The following TMCO4 variants were observed in gnomAD, a reference collection of about 807,000 sequenced individuals.
TMCO4 encodes transmembrane and coiled-coil domain-containing protein 4.
In TMCO4, 58 loss-of-function variants were observed where a neutral mutation model predicts 64.7. The observed-to-expected ratio is 0.90, with a 90% CI of 0.73 to 1.12. TMCO4 has a LOEUF of 1.12. TMCO4 is among the 50% of genes most tolerant of loss of function. The pLI is 0.00. For synonymous variants in TMCO4, 325 were observed against 346.1 expected, an observed-to-expected ratio of 0.94 and a Z score of 0.68; for missense variants, 780 against 825.9, an observed-to-expected ratio of 0.94 and a Z score of 0.68.
intron 13 of TMCO4, among the ~76,000 whole-genome samples, chr1:19,701,747 G>A (rs10449255): frequency 6.6e-6 from 1 of 151,848 alleles, no homozygotes; most frequent in Non-Finnish European, 1.5e-5. Flanking sequence ...GAAGAGGAGA[G>A]GGGGCGAGTA....
intron 2 of TMCO4, among the ~76,000 whole-genome samples, chr1:19,791,347 G>A (rs1247071665): frequency 2.6e-5 from 4 of 151,676 alleles, no homozygotes; most frequent in Non-Finnish European, 5.9e-5. Flanking sequence ...AAAAAAAAAG[G>A]AAAAGAAAAT....
At chr1:19,691,702 G>A (rs3748748) in intron 15 of TMCO4, among the ~76,000 whole-genome samples, 24,876 of 152,134 alleles carry the variant, frequency 0.16, 2,148 homozygotes, top group East Asian at 0.26. Context: ...AGTCTAGTCT[G>A]TCTGCAGGAA....
intron 15 of TMCO4, among the ~76,000 whole-genome samples, chr1:19,686,314 T>G (rs2095149369): frequency 6.6e-6 from 1 of 152,146 alleles, no homozygotes; most frequent in African/African-American, 2.4e-5. Flanking sequence ...AGACCGGACT[T>G]TCCTTTAAGG....
intron 6 of TMCO4, among the ~76,000 whole-genome samples, chr1:19,760,154 G>A (rs1281589229): frequency 6.6e-6 from 1 of 152,032 alleles, no homozygotes; most frequent in African/African-American, 2.4e-5. Context: ...ATTCTTAAAT[G>A]TCATATAGTC....
At chr1:19,794,684 A>C (rs2044216757) in intron 2 of TMCO4, among the ~76,000 whole-genome samples, 1 of 152,170 alleles carries the variant, frequency 6.6e-6, no homozygotes, top group South Asian at 2.1e-4. Flanking sequence ...GGTCTCAAAA[A>C]CATATTTGTA....
intron 2 of TMCO4, among the ~76,000 whole-genome samples, chr1:19,790,904 A>T (rs1225280119): frequency 6.6e-6 from 1 of 152,244 alleles, no homozygotes; most frequent in Non-Finnish European, 1.5e-5. Flanking sequence ...ACATGGAATC[A>T]GCCCAAATGC....
chr1:19,719,120 G>C (rs1294113710), intron 13 of TMCO4, among the ~76,000 whole-genome samples: 1 of 152,172 alleles, frequency 6.6e-6, no homozygotes, highest in African/African-American at 2.4e-5. Flanking sequence ...AATCAGGCAG[G>C]CACCTTATAA....
intron 3 of TMCO4, among the ~76,000 whole-genome samples, chr1:19,782,442 T>A (rs2043534822): frequency 6.6e-6 from 1 of 152,224 alleles, no homozygotes; most frequent in Non-Finnish European, 1.5e-5. Flanking sequence ...GGAAATGATC[T>A]CTATCTTGAC....
chr1:19,745,656 A>G lies in TMCO4; in HGVS notation c.758-5T>C. Reference sequence around the variant, plus strand: ...CTCGCTTCTTCATCTTGTATCCTAAAGACCCAGATCCGAGAAAGAGAATGG... The same window carrying G: ...CTCGCTTCTTCATCTTGTATCCTAAGGACCCAGATCCGAGAAAGAGAATGG... On this transcript the variant is annotated splice_polypyrimidine_tract_variant and splice_region_variant and intron_variant, in intron 9 of 15. Transcript: ENST00000294543. The G allele has an allele frequency of 6.2e-7, 1 of 1,605,870 alleles. No individual in the cohort carries two copies. The highest frequency in any genetic ancestry group is 8.5e-7 in the Non-Finnish European group (1 of 1,174,712).
chr1:19,743,436 T>G lies in TMCO4; in HGVS notation c.877+2096A>C, dbSNP rs1358605294. ...AGCAATCAGGTGATGATAAGGCTTCTTTTCCTGGCTCTCGAGGAGGTAGGA... is the reference window on the plus strand; with the variant it reads ...AGCAATCAGGTGATGATAAGGCTTCGTTTCCTGGCTCTCGAGGAGGTAGGA... On this transcript the variant is annotated intron_variant, in intron 10 of 15. Coordinates refer to ENST00000294543, the MANE Select transcript of TMCO4 (RefSeq NM_181719.7). This position sits in a 1 kb window ranked among gnomAD's most constrained non-coding sequence, Gnocchi z 4.1. Among the ~76,000 whole-genome samples the G allele has an allele frequency of 6.6e-6, 1 of 152,252 alleles. No homozygotes were observed. Among genetic ancestry groups the G allele is most frequent in the African/African-American group, 2.4e-5 (1 of 41,470 alleles).
intron 12 of TMCO4, among the ~76,000 whole-genome samples, chr1:19,739,591 T>C (rs181688836): frequency 3.3e-4 from 51 of 152,350 alleles, no homozygotes; most frequent in Admixed American, 8.5e-4. Flanking sequence ...AGATGCCCTG[T>C]TATTCAGTCC....
chr1:19,707,211 G>A (rs1239290968), intron 13 of TMCO4, among the ~76,000 whole-genome samples: 2 of 152,212 alleles, frequency 1.3e-5, no homozygotes, highest in Non-Finnish European at 2.9e-5. Context: ...GAAATGTGAT[G>A]TGGGGCCTGG....
chr1:19,749,061 T>C (rs1246205285), intron 7 of TMCO4, among the ~76,000 whole-genome samples: 1 of 152,236 alleles, frequency 6.6e-6, no homozygotes, highest in Non-Finnish European at 1.5e-5. Context: ...ATACTGGTTT[T>C]CCACAACTGA....
intron 4 of TMCO4, among the ~76,000 whole-genome samples, chr1:19,776,749 C>A (rs769626538): frequency 6.6e-6 from 1 of 152,076 alleles, no homozygotes; most frequent in Non-Finnish European, 1.5e-5. Context: ...AAAAGCCAGG[C>A]GGCCGCGGTG....
At chr1:19,687,223 G>A (rs1350946403) in intron 15 of TMCO4, among the ~76,000 whole-genome samples, 1 of 152,156 alleles carries the variant, frequency 6.6e-6, no homozygotes, top group African/African-American at 2.4e-5. Context: ...AAGTGCTTGG[G>A]ATTACAGGCG....
intron 13 of TMCO4, among the ~76,000 whole-genome samples, chr1:19,719,476 C>T (rs916444212): frequency 1.3e-5 from 2 of 152,108 alleles, no homozygotes; most frequent in Non-Finnish European, 2.9e-5. Context: ...AGTAACAAAA[C>T]AGTGGCTACT....
chr1:19,699,157 C>G (rs917693731), intron 14 of TMCO4, among the ~76,000 whole-genome samples: 4 of 151,356 alleles, frequency 2.6e-5, no homozygotes, highest in Non-Finnish European at 5.9e-5. Flanking sequence ...GATTGCAACA[C>G]TGCACTCCAG....
chr1:19,725,011 C>T (rs908875718), intron 13 of TMCO4, among the ~76,000 whole-genome samples: 1 of 152,156 alleles, frequency 6.6e-6, no homozygotes, highest in Non-Finnish European at 1.5e-5. Context: ...GCACCCGCCT[C>T]GGCCTCCCAA....
chr1:19,767,140 C>T (rs991934600), intron 6 of TMCO4, among the ~76,000 whole-genome samples: 5 of 152,218 alleles, frequency 3.3e-5, no homozygotes, highest in African/African-American at 9.7e-5. Flanking sequence ...AATCTGCCAA[C>T]GTTTTGACTA....
Sources: gnomAD v4.1 joint callset for allele counts (sites outside exome capture counted in the v4.1 genomes callset) on GRCh38, gnomAD v4.1.1 for gene constraint, Gnocchi (gnomAD v3.1) non-coding constraint, MANE v1.5 for transcripts, NCBI Gene and HGNC (gene_info 2026-07-23, HGNC 2026-07-21) for gene names.